The following TNRC6A variants were observed in gnomAD, a reference collection of about 807,000 sequenced individuals.
The protein encoded by TNRC6A is trinucleotide repeat containing adaptor 6A.
TNRC6A carries 44 observed loss-of-function variants against 221.2 expected under a neutral mutation model. The observed-to-expected ratio is 0.20, with a 90% CI of 0.16 to 0.26. TNRC6A has a LOEUF of 0.26. Ranked by LOEUF, TNRC6A falls within the 10% of genes least tolerant of loss-of-function variation. The pLI is 1.00. For synonymous variants in TNRC6A, 847 were observed against 838.5 expected, an observed-to-expected ratio of 1.01 and a Z score of -0.18; for missense variants, 2,199 against 2,404.4, an observed-to-expected ratio of 0.91 and a Z score of 1.79.
At chr16:24,777,439 G>A in intron 5 of TNRC6A, 81 bp downstream of exon 5, 1 of 1,425,726 alleles carries the variant, frequency 7.0e-7, no homozygotes, top group Non-Finnish European at 9.5e-7. Flanking sequence ...TAGCTTTTTG[G>A]TGATGTATTT....
chr16:24,747,471 T>A (rs1259316887), intron 2 of TNRC6A, among the ~76,000 whole-genome samples: 2 of 151,744 alleles, frequency 1.3e-5, no homozygotes, highest in Non-Finnish European at 2.9e-5. Context: ...TGGAGTGTTG[T>A]CTTGGTGGCA....
chr16:24,761,295 A>G (rs904749240), intron 4 of TNRC6A, among the ~76,000 whole-genome samples: 3 of 152,236 alleles, frequency 2.0e-5, no homozygotes, highest in Admixed American at 6.5e-5. Flanking sequence ...AAAAACTGTA[A>G]AGAACACAAA....
chr16:24,825,028 C>G lies in TNRC6A; in HGVS notation c.*1221C>G, dbSNP rs2058842466. ...CATCAAGTGGCTCCATATGTTTCTG[C>G]TCTCTCGTGACTGTGTTAATGTTTA... On this transcript the variant is annotated 3_prime_UTR_variant, in exon 25 of 25. Transcript: ENST00000395799. 6.6e-6 allele frequency: 1 copy of G among 152,572 alleles called. No homozygotes were observed. The highest frequency in any genetic ancestry group is 2.4e-5 in the African/African-American group (1 of 41,418). The allele number at this position is 152,572 out of a possible 1,614,324, so 9.5% of individuals were successfully genotyped here.
intron 3 of TNRC6A, among the ~76,000 whole-genome samples, chr16:24,757,415 C>T (rs2057275603): frequency 6.6e-6 from 1 of 152,264 alleles, no homozygotes; most frequent in South Asian, 2.1e-4. Context: ...CTAAGAAAAG[C>T]TTTATTGCTA....
intron 2 of TNRC6A, among the ~76,000 whole-genome samples, chr16:24,737,491 T>C (rs1040625703): frequency 2.0e-5 from 3 of 152,252 alleles, no homozygotes; most frequent in African/African-American, 7.2e-5. Flanking sequence ...TTTCCACTCT[T>C]GTAACTAGGG....
intron 2 of TNRC6A, among the ~76,000 whole-genome samples, chr16:24,743,675 TC>T (rs1222380425): frequency 1.3e-5 from 2 of 152,234 alleles, no homozygotes; most frequent in Non-Finnish European, 2.9e-5. Flanking sequence ...ACAAAGAACT[TC>T]TGAATATCCT....
intron 22 of TNRC6A, 54 bp downstream of exon 22, chr16:24,820,414 A>C (rs1388475190): frequency 6.6e-7 from 1 of 1,507,786 alleles, no homozygotes; most frequent in Non-Finnish European, 9.2e-7. Context: ...AACGCTAACC[A>C]GTACTAACAG....
chr16:24,632,353 T>TGAAA (rs1429535505), intron 1 of TNRC6A, among the ~76,000 whole-genome samples: 1 of 152,070 alleles, frequency 6.6e-6, no homozygotes, highest in Non-Finnish European at 1.5e-5. Flanking sequence ...CTTTCCCAAC[T>TGAAA]GAAGAAATTC....
At chr16:24,714,538 C>T (rs1567381127) in intron 2 of TNRC6A, among the ~76,000 whole-genome samples, 2 of 152,038 alleles carry the variant, frequency 1.3e-5, no homozygotes, top group East Asian at 3.9e-4. Context: ...ATCTCCTGAC[C>T]TGGTGATCTA....
In TNRC6A at chr16:24,682,718, C is replaced by A. The variant is rs151195002; in HGVS notation, n.402+41709C>A. Reference sequence around the variant, plus strand: ...CGAGGTGGGAAATGTGACTTTAAGGCAGCCAGCACGCAGAATGACCGCAGA... The same window carrying A: ...CGAGGTGGGAAATGTGACTTTAAGGAAGCCAGCACGCAGAATGACCGCAGA... On this transcript the variant is annotated intron_variant and non_coding_transcript_variant, in intron 2 of 2. Transcript: ENST00000566108. Among the ~76,000 whole-genome samples the A allele has an allele frequency of 7.0e-4, 107 of 152,186 alleles. 1 individual carries two copies. Among genetic ancestry groups the A allele is most frequent in the Non-Finnish European group, 1.2e-3 (80 of 68,026 alleles).
At chr16:24,648,706 T>C (rs754842767) in intron 2 of TNRC6A, among the ~76,000 whole-genome samples, 1 of 152,224 alleles carries the variant, frequency 6.6e-6, no homozygotes, top group Non-Finnish European at 1.5e-5. Context: ...TATGAAGTGG[T>C]ATTCTGAGGT....
intron 1 of TNRC6A, among the ~76,000 whole-genome samples, chr16:24,632,462 G>A (rs1254041232): frequency 2.0e-5 from 3 of 152,020 alleles, no homozygotes; most frequent in African/African-American, 7.2e-5. Context: ...AGTTCCTCTG[G>A]CCCTGCCTTC....
At chr16:24,650,369 G>T (rs1255298942) in intron 2 of TNRC6A, among the ~76,000 whole-genome samples, 1 of 151,908 alleles carries the variant, frequency 6.6e-6, no homozygotes, top group Non-Finnish European at 1.5e-5. Flanking sequence ...TCAATGCACA[G>T]AAAAAAAGGG....
In TNRC6A at chr16:24,729,706, CGG is replaced by C; in HGVS notation, c.-135_-134del. 9.3e-7 allele frequency: 1 copy of C among 1,077,682 alleles called. No homozygotes were observed. The allele number at this position is 1,077,682 out of a possible 1,614,324, so 66.8% of individuals were successfully genotyped here. A position where few individuals can be genotyped will look rare whatever the true frequency, so the allele number is the denominator to read the frequency against. On this transcript the variant is annotated 5_prime_UTR_variant, in exon 1 of 25. Transcript: ENST00000395799. ...GTGTCGGCGGCGGCGGCGGCGGCGG[CGG>C]CGGCGGCGGCAGCGGGTCGGTGTAG... is the stretch of plus-strand genomic sequence containing the variant.
intron 2 of TNRC6A, among the ~76,000 whole-genome samples, chr16:24,709,160 G>T (rs1264705401): frequency 1.3e-5 from 2 of 152,112 alleles, no homozygotes; most frequent in African/African-American, 4.8e-5. Context: ...GGGAGGCTGA[G>T]GCAGGAGAAT....
intron 2 of TNRC6A, among the ~76,000 whole-genome samples, chr16:24,704,675 A>G (rs2056060069): frequency 1.9e-5 from 1 of 51,398 alleles, no homozygotes; most frequent in South Asian, 4.0e-4. Flanking sequence ...AAAAAAAAAA[A>G]AAAAAAAAAA....
intron 2 of TNRC6A, among the ~76,000 whole-genome samples, chr16:24,687,843 G>GGAAGAAGAAGAAGGAGAA (rs1555489488): frequency 2.0e-5 from 2 of 101,856 alleles, no homozygotes; most frequent in Admixed American, 2.3e-4. Context: ...AAGAGGAAGA[G>GGAAGAAGAAGAAGGAGAA]GAAGAAGAAG....
At chr16:24,651,041 G>T (rs1902612927) in intron 2 of TNRC6A, among the ~76,000 whole-genome samples, 1 of 138,772 alleles carries the variant, frequency 7.2e-6, no homozygotes, top group Admixed American at 7.3e-5. Flanking sequence ...ACGATAAATT[G>T]TCTACGCAAT....
At chr16:24,612,021 G>C (rs1048306252) in intron 1 of TNRC6A, among the ~76,000 whole-genome samples, 2 of 152,108 alleles carry the variant, frequency 1.3e-5, no homozygotes, top group Non-Finnish European at 2.9e-5. Context: ...TTGAGCCCAG[G>C]AGGCAGAAGT....
Sources: allele counts gnomAD v4.1 joint callset (sites outside exome capture counted in the v4.1 genomes callset), GRCh38; gene constraint gnomAD v4.1.1; transcripts MANE v1.5; gene names NCBI Gene and HGNC (gene_info 2026-07-23, HGNC 2026-07-21).